MS4A13: variants seen among roughly 807,000 people sequenced by gnomAD.
The protein encoded by MS4A13 is membrane spanning 4-domains A13, also known as membrane-spanning 4-domains subfamily A member 13.
Under a neutral mutation model 18.4 loss-of-function variants are expected in MS4A13, and 21 were observed. The observed-to-expected ratio is 1.14, with a 90% CI of 0.81 to 1.64. MS4A13 has a LOEUF of 1.64. Ranked by LOEUF, MS4A13 falls within the 40% of genes most tolerant of loss-of-function variation. The pLI is 0.00. For synonymous variants in MS4A13, 62 were observed against 57.2 expected (o/e 1.08, Z -0.38); for missense variants, 173 against 176.8 (o/e 0.98, Z 0.12).
chr11:60,518,672 ATTG>A (rs1170609940), intron 3 of MS4A13, among the ~76,000 whole-genome samples: 1 of 152,240 alleles, frequency 6.6e-6, no homozygotes, highest in East Asian at 1.9e-4. Context: ...AAGTGAAGAA[ATTG>A]TTAGAAGAAA....
intron 3 of MS4A13, among the ~76,000 whole-genome samples, chr11:60,521,249 A>C (rs1301828000): frequency 6.6e-6 from 1 of 152,128 alleles, no homozygotes; most frequent in African/African-American, 2.4e-5. Flanking sequence ...CATTTTCCCC[A>C]TTGTCTTGAG....
chr11:60,541,808 T>C (rs2086861035), intron 6 of MS4A13, among the ~76,000 whole-genome samples: 1 of 151,798 alleles, frequency 6.6e-6, no homozygotes, highest in African/African-American at 2.4e-5. Context: ...ATTAAGAAAG[T>C]AGGTTGAAGG....
intron 6 of MS4A13, among the ~76,000 whole-genome samples, chr11:60,530,616 G>A (rs960747461): frequency 2.6e-5 from 4 of 152,212 alleles, no homozygotes; most frequent in African/African-American, 9.7e-5. Context: ...GTTTATTTAA[G>A]AAAATCTACT....
intron 3 of MS4A13, among the ~76,000 whole-genome samples, chr11:60,520,481 C>T (rs1015380183): frequency 1.3e-5 from 2 of 152,198 alleles, no homozygotes; most frequent in Non-Finnish European, 2.9e-5. Flanking sequence ...GTAAATACAG[C>T]TGTTCCAAAT....
intron 6 of MS4A13, among the ~76,000 whole-genome samples, chr11:60,535,425 AGAAAT>A (rs2086800875): frequency 7.5e-6 from 1 of 133,482 alleles, no homozygotes; most frequent in South Asian, 2.6e-4. Context: ...AAAATCTAGA[AGAAAT>A]GGATACATTC....
chr11:60,532,642 T>A (rs1365451282), intron 6 of MS4A13, among the ~76,000 whole-genome samples: 1 of 151,554 alleles, frequency 6.6e-6, no homozygotes, highest in African/African-American at 2.4e-5. Flanking sequence ...CAAAGCAGCC[T>A]GGAAGCTCGA....
intron 6 of MS4A13, among the ~76,000 whole-genome samples, chr11:60,531,755 C>T (rs1190849750): frequency 6.6e-6 from 1 of 152,212 alleles, no homozygotes; most frequent in East Asian, 1.9e-4. Flanking sequence ...TGTGTTTTCA[C>T]ATGGTCTTCT....
At chr11:60,531,913 T>A (rs2086770081) in intron 6 of MS4A13, among the ~76,000 whole-genome samples, 1 of 152,192 alleles carries the variant, frequency 6.6e-6, no homozygotes, top group African/African-American at 2.4e-5. Flanking sequence ...GAGTTAGGAC[T>A]TCCAGTATTC....
intron 3 of MS4A13, among the ~76,000 whole-genome samples, chr11:60,521,735 C>T (rs534064983): frequency 1.1e-4 from 17 of 152,348 alleles, no homozygotes; most frequent in Admixed American, 2.0e-4. Context: ...ACTGTCCTAA[C>T]ATCTGCCTGT....
chr11:60,542,015 C>T (rs1225524648), intron 6 of MS4A13, among the ~76,000 whole-genome samples: 5 of 151,214 alleles, frequency 3.3e-5, no homozygotes, highest in Non-Finnish European at 7.4e-5. Context: ...GCATGAGAAT[C>T]TCTTGAGTCT....
intron 5 of MS4A13, among the ~76,000 whole-genome samples, chr11:60,525,713 T>TA (rs1156399411): frequency 2.0e-5 from 3 of 152,164 alleles, no homozygotes; most frequent in Non-Finnish European, 4.4e-5. Context: ...TGTAGACACC[T>TA]AGTAATTTCT....
chr11:60,521,913 G>A (rs2086676467), intron 3 of MS4A13, among the ~76,000 whole-genome samples: 1 of 152,140 alleles, frequency 6.6e-6, no homozygotes, highest in Admixed American at 6.5e-5. Context: ...GTTTCTCATG[G>A]CTGGGAAGGC....
At chr11:60,523,743 T>G (rs1486514119) in intron 3 of MS4A13, among the ~76,000 whole-genome samples, 154 bp from the exon 4 acceptor site, 1 of 152,226 alleles carries the variant, frequency 6.6e-6, no homozygotes, top group Admixed American at 6.5e-5. Flanking sequence ...TACTACATGA[T>G]GTAAATTTGT....
intron 5 of MS4A13, among the ~76,000 whole-genome samples, chr11:60,525,998 C>T (rs940685931): frequency 6.6e-6 from 1 of 151,026 alleles, no homozygotes; most frequent in Non-Finnish European, 1.5e-5. Context: ...AACACCTTGT[C>T]TGACCAACAG....
intron 6 of MS4A13, among the ~76,000 whole-genome samples, chr11:60,538,301 C>T (rs1293465484): frequency 6.6e-6 from 1 of 151,052 alleles, no homozygotes; most frequent in African/African-American, 2.4e-5. Context: ...TGATCAAAGG[C>T]CATACAGTTT....
chr11:60,530,284 C>G (rs1181467023), intron 6 of MS4A13, among the ~76,000 whole-genome samples: 1 of 152,066 alleles, frequency 6.6e-6, no homozygotes, highest in Non-Finnish European at 1.5e-5. Flanking sequence ...AATAAACAAA[C>G]ACATAAAATT....
chr11:60,539,404 T>C (rs11230376), intron 6 of MS4A13, among the ~76,000 whole-genome samples: 1 of 150,308 alleles, frequency 6.7e-6, no homozygotes, highest in African/African-American at 2.5e-5. Flanking sequence ...TAAACAGACA[T>C]AAAGAGAGCA....
intron 6 of MS4A13, among the ~76,000 whole-genome samples, chr11:60,536,922 G>A (rs1312782150): frequency 7.6e-5 from 9 of 119,120 alleles, no homozygotes; most frequent in African/African-American, 2.6e-4. Flanking sequence ...ACAAGCAATG[G>A]GGAAAGGATT....
chr11:60,533,283 A>G (rs1444817200), intron 6 of MS4A13, among the ~76,000 whole-genome samples: 1 of 84,306 alleles, frequency 1.2e-5, no homozygotes, highest in East Asian at 5.0e-4. Context: ...AAAAAAATTT[A>G]GAAGAATGTA....
Sources: allele counts gnomAD v4.1 joint callset (sites outside exome capture counted in the v4.1 genomes callset), GRCh38; gene constraint gnomAD v4.1.1; transcripts MANE v1.5; gene names NCBI Gene and HGNC (gene_info 2026-07-23, HGNC 2026-07-21).